Variants in CNTN3 observed in about 807,000 individuals in gnomAD.
CNTN3 encodes contactin-3.
Under a neutral mutation model 119.1 loss-of-function variants are expected in CNTN3, and 60 were observed. The observed-to-expected ratio is 0.50, with a 90% CI of 0.41 to 0.62. CNTN3 has a LOEUF of 0.62. CNTN3 is among the 20% of genes least tolerant of loss of function. CNTN3 has a pLI of 0.00. For missense variants in CNTN3, 1,101 were observed against 1,242.4 expected (o/e 0.89, Z 1.71); for synonymous variants, 450 against 438.7 (o/e 1.03, Z -0.32).
At chr3:74,282,547 A>C (rs1326852588) in intron 20 of CNTN3, among the ~76,000 whole-genome samples, 1 of 152,164 alleles carries the variant, frequency 6.6e-6, no homozygotes, top group African/African-American at 2.4e-5. Context: ...AAGACACAGA[A>C]GGACTCTTTC....
chr3:74,480,349 G>A (rs1027821350), intron 4 of CNTN3, among the ~76,000 whole-genome samples: 3 of 152,012 alleles, frequency 2.0e-5, no homozygotes, highest in Admixed American at 6.6e-5. Context: ...TTATCTTTAC[G>A]TATTTTGTAA....
At chr3:74,325,286 GTAGTTTTTTC>G (rs1410353280) in intron 13 of CNTN3, among the ~76,000 whole-genome samples, 2 of 152,102 alleles carry the variant, frequency 1.3e-5, no homozygotes, top group Admixed American at 1.3e-4. Flanking sequence ...GAAATAAAAG[GTAGTTTTTTC>G]TTGCTCTTCT....
chr3:74,428,593 C>G (rs759735211), intron 4 of CNTN3, among the ~76,000 whole-genome samples: 1 of 152,100 alleles, frequency 6.6e-6, no homozygotes, highest in Non-Finnish European at 1.5e-5. Context: ...TATTATGGGT[C>G]AAAATTCATA....
chr3:74,467,714 C>G (rs189915697), intron 4 of CNTN3, among the ~76,000 whole-genome samples: 128 of 152,272 alleles, frequency 8.4e-4, no homozygotes, highest in South Asian at 1.9e-3. Context: ...ACCCAAGCAG[C>G]TGCTACCTTC....
chr3:74,366,164 G>A (rs1005826467), intron 8 of CNTN3, among the ~76,000 whole-genome samples: 8 of 152,046 alleles, frequency 5.3e-5, no homozygotes, highest in South Asian at 2.1e-4. Context: ...TGCTACAGCC[G>A]AGGAAAAAAT....
intron 1 of CNTN3, among the ~76,000 whole-genome samples, chr3:74,535,209 C>T (rs557947250): frequency 6.6e-6 from 1 of 152,098 alleles, no homozygotes; most frequent in South Asian, 2.1e-4. Context: ...TTTTGAAATG[C>T]TAATCATGGC....
At chr3:74,610,289 C>T (rs1705058761) in intron 1 of CNTN3, among the ~76,000 whole-genome samples, 2 of 151,706 alleles carry the variant, frequency 1.3e-5, no homozygotes, top group South Asian at 4.2e-4. Flanking sequence ...CACCACTGCA[C>T]TCCAGCCTGG....
Position 74,325,839 on chromosome 3 carries a change from A to G in CNTN3, c.1668+8896T>C, listed in dbSNP as rs143268414. Among the ~76,000 whole-genome samples the G allele has an allele frequency of 6.6e-4, 100 of 152,274 alleles. 1 individual carries two copies. Among genetic ancestry groups the G allele is most frequent in the African/African-American group, 2.4e-3 (98 of 41,584 alleles). On this transcript the variant is annotated intron_variant, in intron 13 of 22. Coordinates refer to ENST00000263665, the MANE Select transcript of CNTN3 (RefSeq NM_020872.3). ...TTTCAGATTTTGGAATGATGAAACT[A>G]TATGTGTGTCACACCAATCTGATCT...
At chr3:74,498,247 T>A (rs1428664242) in intron 3 of CNTN3, among the ~76,000 whole-genome samples, 1 of 151,836 alleles carries the variant, frequency 6.6e-6, no homozygotes, top group African/African-American at 2.4e-5. Context: ...GGTGTTAGAA[T>A]GCCTTACAAA....
intron 1 of CNTN3, among the ~76,000 whole-genome samples, chr3:74,530,201 A>C (rs1363062564): frequency 6.6e-6 from 1 of 152,036 alleles, no homozygotes; most frequent in Non-Finnish European, 1.5e-5. Flanking sequence ...CATTTTAATA[A>C]GAGATTCTAG....
At chr3:74,610,860 G>A (rs1050751349) in intron 1 of CNTN3, among the ~76,000 whole-genome samples, 3 of 152,102 alleles carry the variant, frequency 2.0e-5, no homozygotes, top group African/African-American at 7.2e-5. Context: ...AGTTGTACTA[G>A]TTCCCCAAAA....
At chr3:74,379,479 G>T (rs1387870928) in intron 5 of CNTN3, among the ~76,000 whole-genome samples, 1 of 152,090 alleles carries the variant, frequency 6.6e-6, no homozygotes, top group Admixed American at 6.6e-5. Flanking sequence ...TGGTGCCACG[G>T]CTGCTGCTAT....
intron 5 of CNTN3, among the ~76,000 whole-genome samples, chr3:74,406,773 C>T (rs1705334749): frequency 6.6e-6 from 1 of 151,846 alleles, no homozygotes; most frequent in African/African-American, 2.4e-5. Context: ...TATGCACACA[C>T]ACATACAAAG....
intron 19 of CNTN3, among the ~76,000 whole-genome samples, chr3:74,286,285 C>G (rs755246566): frequency 6.6e-6 from 1 of 152,000 alleles, no homozygotes; most frequent in Non-Finnish European, 1.5e-5. Flanking sequence ...CAGACCCAAC[C>G]AGTGGAAGAT....
chr3:74,381,457 CT>C (rs1478103122), intron 5 of CNTN3, among the ~76,000 whole-genome samples: 1 of 152,108 alleles, frequency 6.6e-6, no homozygotes, highest in Non-Finnish European at 1.5e-5. Flanking sequence ...CAGTAGGTCT[CT>C]ATAAATGCTA....
Position 74,264,222 on chromosome 3 carries a change from G to T in CNTN3, c.*179C>A. Reference sequence around the variant, plus strand: ...TTTGGTTTATCAAGTTAATATTAAGGCATTTCAGATTCCCCTAAAAGGATT... The same window carrying T: ...TTTGGTTTATCAAGTTAATATTAAGTCATTTCAGATTCCCCTAAAAGGATT... On this transcript the variant is annotated 3_prime_UTR_variant, in exon 23 of 23. Coordinates refer to ENST00000263665, the MANE Select transcript of CNTN3 (RefSeq NM_020872.3). 2.4e-6 allele frequency: 1 copy of T among 410,746 alleles called. No individual in the cohort carries two copies. Among genetic ancestry groups the T allele is most frequent in the Non-Finnish European group, 4.4e-6 (1 of 229,664 alleles). 25.4% of individuals were successfully genotyped at this position (410,746 alleles called of 1,614,324 possible).
intron 1 of CNTN3, among the ~76,000 whole-genome samples, chr3:74,538,290 T>C (rs886120387): frequency 5.3e-5 from 8 of 152,132 alleles, no homozygotes; most frequent in Non-Finnish European, 1.0e-4. Context: ...TGAAACACTT[T>C]GTTGGGTGCA....
intron 1 of CNTN3, among the ~76,000 whole-genome samples, chr3:74,559,249 G>A (rs1009603627): frequency 1.5e-4 from 23 of 152,064 alleles, no homozygotes; most frequent in Non-Finnish European, 5.9e-5. Flanking sequence ...ATGAAAAGTC[G>A]CTAAGCTATC....
chr3:74,555,117 C>A (rs1407827209), intron 1 of CNTN3, among the ~76,000 whole-genome samples: 2 of 152,106 alleles, frequency 1.3e-5, no homozygotes, highest in Non-Finnish European at 2.9e-5. Flanking sequence ...GAGTTTTTAG[C>A]AAGAAAGGCT....
Sources: allele counts gnomAD v4.1 joint callset (sites outside exome capture counted in the v4.1 genomes callset), GRCh38; gene constraint gnomAD v4.1.1; transcripts MANE v1.5; gene names NCBI Gene and HGNC (gene_info 2026-07-23, HGNC 2026-07-21).